COL22A1: variants seen among roughly 807,000 people sequenced by gnomAD.
COL22A1 encodes the protein collagen type XXII alpha 1 chain.
In COL22A1, 221 loss-of-function variants were observed where a neutral mutation model predicts 248.9. That is an observed-to-expected ratio of 0.89 (90% confidence interval 0.80 to 0.99). The LOEUF is 0.99. COL22A1 is among the 50% of genes least tolerant of loss of function. The pLI, the probability that COL22A1 is intolerant of heterozygous loss-of-function variation, is 0.00. For synonymous variants in COL22A1, 891 were observed against 793.4 expected (o/e 1.12, Z -2.07); for missense variants, 2,240 against 2,179.0 (o/e 1.03, Z -0.56).
chr8:138,883,279 C>T, intron 1 of COL22A1, 35 bp from the exon 2 acceptor site: 1 of 1,190,798 alleles, frequency 8.4e-7, no homozygotes, highest in East Asian at 2.6e-5. Context: ...AGAAGGCTCT[C>T]AAGCTGAAAG....
chr8:138,789,329 C>T (rs541318979), intron 12 of COL22A1, among the ~76,000 whole-genome samples: 4 of 152,290 alleles, frequency 2.6e-5, no homozygotes, highest in African/African-American at 9.6e-5. Flanking sequence ...AACTAATTTC[C>T]CCTTAAACCC....
intron 12 of COL22A1, among the ~76,000 whole-genome samples, chr8:138,794,463 G>C (rs1816329468): frequency 6.6e-6 from 1 of 151,534 alleles, no homozygotes; most frequent in Non-Finnish European, 1.5e-5. Flanking sequence ...ACAGTATGGT[G>C]GCTCCTCAAA....
At chr8:138,666,933 C>T (rs1036562159) in intron 41 of COL22A1, among the ~76,000 whole-genome samples, 3 of 152,214 alleles carry the variant, frequency 2.0e-5, no homozygotes, top group African/African-American at 7.2e-5. Context: ...TAGACAGCTT[C>T]TCTGACCTTC....
chr8:138,831,348 G>A (rs1404772431), intron 5 of COL22A1, among the ~76,000 whole-genome samples: 1 of 152,072 alleles, frequency 6.6e-6, no homozygotes, highest in Non-Finnish European at 1.5e-5. Context: ...CCCTACTCTG[G>A]GCAGGGCTTA....
intron 39 of COL22A1, among the ~76,000 whole-genome samples, chr8:138,681,445 C>T (rs903322218): frequency 1.1e-4 from 16 of 152,100 alleles, no homozygotes; most frequent in African/African-American, 3.6e-4. Flanking sequence ...ACTGTTAGAT[C>T]AGTGGTCATA....
At chr8:138,705,982 C>T (rs1449821613) in intron 30 of COL22A1, among the ~76,000 whole-genome samples, 2 of 152,120 alleles carry the variant, frequency 1.3e-5, no homozygotes, top group African/African-American at 4.8e-5. Context: ...GGTTGCAATC[C>T]TAGTCTCTGA....
chr8:138,782,172 A>G (rs992041177), intron 12 of COL22A1, among the ~76,000 whole-genome samples: 26 of 152,344 alleles, frequency 1.7e-4, no homozygotes, highest in African/African-American at 5.5e-4. Context: ...GTCTCTGGCC[A>G]TGGCATGATA....
intron 1 of COL22A1, among the ~76,000 whole-genome samples, chr8:138,886,990 C>T (rs188998575): frequency 1.3e-5 from 2 of 152,208 alleles, no homozygotes; most frequent in Non-Finnish European, 2.9e-5. Flanking sequence ...AGGCATGCAA[C>T]ATGAAATAGC....
chr8:138,771,231 G>A (rs1834341682), intron 16 of COL22A1, among the ~76,000 whole-genome samples: 1 of 152,188 alleles, frequency 6.6e-6, no homozygotes, highest in African/African-American at 2.4e-5. Flanking sequence ...TTCGCTTCCT[G>A]AGCTTACCCC....
intron 5 of COL22A1, 22 bp downstream of exon 5, chr8:138,833,017 G>T: frequency 6.6e-7 from 1 of 1,507,954 alleles, no homozygotes; most frequent in Non-Finnish European, 9.2e-7. Flanking sequence ...GGGCAGGTCT[G>T]GAAAGAGAAG....
intron 1 of COL22A1, among the ~76,000 whole-genome samples, chr8:138,888,331 T>C (rs986533871): frequency 2.0e-5 from 3 of 152,116 alleles, no homozygotes; most frequent in African/African-American, 7.2e-5. Flanking sequence ...CACCTGACTA[T>C]TTCAGGGGAA....
intron 5 of COL22A1, among the ~76,000 whole-genome samples, chr8:138,832,257 A>C (rs1586848274): frequency 6.6e-6 from 1 of 152,058 alleles, no homozygotes; most frequent in East Asian, 1.9e-4. Context: ...CTGTCTCTGG[A>C]GTGGCCATTC....
rs184832350 is a variant in COL22A1, at chr8:138,698,867, T to G, written c.2592+1245A>C. ...TGTGTCCTCATGCAGTGAGTGCCTGTCTCTGCCAGAGCGGAGCAGAGTTAT... is the reference window on the plus strand; with the variant it reads ...TGTGTCCTCATGCAGTGAGTGCCTGGCTCTGCCAGAGCGGAGCAGAGTTAT... On this transcript the variant is annotated intron_variant, in intron 32 of 64. Coordinates refer to ENST00000303045, the MANE Select transcript of COL22A1 (RefSeq NM_152888.3). 4.6e-5 allele frequency among the ~76,000 whole-genome samples: 7 copies of G among 152,380 alleles called. No individual in the cohort carries two copies. In the East Asian group the frequency reaches 1.3e-3, roughly 29 times the overall value.
chr8:138,726,717 G>A (rs540544373), intron 23 of COL22A1, among the ~76,000 whole-genome samples: 13 of 152,248 alleles, frequency 8.5e-5, no homozygotes, highest in South Asian at 4.2e-4. Flanking sequence ...CATAAAGGCC[G>A]GCTGCTGTTG....
In COL22A1 at chr8:138,636,725, ATAAAG is replaced by A; in HGVS notation, c.3555+12_3555+16del. On this transcript the variant is annotated intron_variant, in intron 48 of 64. Transcript: ENST00000303045. ...CCTTCCTCAGGGTGAATGGTTCCTT[ATAAAG>A]TAAATTTTTACCTGATCACCTTTCT... The A allele has an allele frequency of 6.2e-7, 1 of 1,602,936 alleles. No individual in the cohort carries two copies. The highest frequency in any genetic ancestry group is 8.5e-7 in the Non-Finnish European group (1 of 1,169,960).
intron 43 of COL22A1, among the ~76,000 whole-genome samples, chr8:138,660,795 GAC>G (rs1411478956): frequency 2.5e-5 from 2 of 81,010 alleles, no homozygotes; most frequent in African/African-American, 7.5e-5. Context: ...CACACACACA[GAC>G]ACACAGACAC....
intron 55 of COL22A1, among the ~76,000 whole-genome samples, chr8:138,615,192 C>G (rs753382758): frequency 6.6e-6 from 1 of 152,204 alleles, no homozygotes; most frequent in South Asian, 2.1e-4. Context: ...GTCCCTTTAT[C>G]TCTCTGGATC....
chr8:138,746,944 G>A (rs72729674), intron 22 of COL22A1, among the ~76,000 whole-genome samples: 4,670 of 152,284 alleles, frequency 0.031, 108 homozygotes, highest in Middle Eastern at 0.086. Context: ...TGTTTAGGGT[G>A]CAACCCGGGC....
chr8:138,851,395 C>T (rs542915569), intron 3 of COL22A1, among the ~76,000 whole-genome samples: 1 of 152,326 alleles, frequency 6.6e-6, no homozygotes, highest in South Asian at 2.1e-4. Context: ...CCATGGAGAG[C>T]CTCGTGGCCC....
Sources: gnomAD v4.1 joint callset for allele counts (sites outside exome capture counted in the v4.1 genomes callset) on GRCh38, gnomAD v4.1.1 for gene constraint, MANE v1.5 for transcripts, NCBI Gene and HGNC (gene_info 2026-07-23, HGNC 2026-07-21) for gene names.